ADAMTSL3: variants seen among roughly 807,000 people sequenced by gnomAD.
ADAMTSL3 encodes ADAMTS like 3, also known as ADAMTS-like protein 3.
A neutral mutation model predicts 201.7 loss-of-function variants in ADAMTSL3; 128 were observed. That is an observed-to-expected ratio of 0.63 (90% CI 0.55 to 0.73). The LOEUF (loss-of-function observed/expected upper bound fraction) is 0.73. Among genes scored for constraint, ADAMTSL3 ranks in the 30% least tolerant of loss-of-function variants. ADAMTSL3 has a pLI of 0.00. For synonymous variants in ADAMTSL3, 738 were observed against 748.4 expected, an observed-to-expected ratio of 0.99 and a Z score of 0.23; for missense variants, 1,990 against 2,119.6, an observed-to-expected ratio of 0.94 and a Z score of 1.20.
At chr15:83,748,086 G>C (rs1010144063) in intron 3 of ADAMTSL3, among the ~76,000 whole-genome samples, 5 of 152,084 alleles carry the variant, frequency 3.3e-5, no homozygotes, top group African/African-American at 1.2e-4. Flanking sequence ...CCATGTTTGA[G>C]AATACAAATC....
At chr15:83,942,480 G>T in intron 17 of ADAMTSL3, 116 bp from the exon 18 acceptor site, 1 of 869,392 alleles carries the variant, frequency 1.2e-6, no homozygotes, top group Non-Finnish European at 1.8e-6. Flanking sequence ...TGTAGAATCT[G>T]TATACAGGGT....
chr15:83,936,297 AGG>A (rs1196464425), intron 17 of ADAMTSL3, among the ~76,000 whole-genome samples: 2 of 150,582 alleles, frequency 1.3e-5, no homozygotes, highest in African/African-American at 5.0e-5. Context: ...TAAAATTCTA[AGG>A]GTAAACCTAA....
chr15:83,979,136 A>T (rs1000658576), intron 20 of ADAMTSL3, among the ~76,000 whole-genome samples: 1 of 152,228 alleles, frequency 6.6e-6, no homozygotes, highest in African/African-American at 2.4e-5. Context: ...ACGTTTCCCC[A>T]TGTGTGCTTC....
Position 83,823,943 on chromosome 15 carries a change from CTTCTTCTTCTTCTTCTTCTTCTTCTT to C in ADAMTSL3, c.600+3897_600+3922del, listed in dbSNP as rs1567169684. Among the ~76,000 whole-genome samples the C allele has an allele frequency of 7.1e-4, 74 of 104,498 alleles. 1 individual carries two copies. The highest frequency in any genetic ancestry group is 3.0e-3 in the East Asian group (12 of 3,944). The allele number at this position is 104,498 out of a possible 152,430, so 68.6% of individuals were successfully genotyped here. ...TCTTCTTCTTCTTCTTCTTCTTCTT[CTTCTTCTTCTTCTTCTTCTTCTTCTT>C]CTTCTCCTCCTCCTCCTCCTCCTTC... On this transcript the variant is annotated intron_variant, in intron 6 of 29. Transcript: ENST00000286744.
chr15:83,909,844 G>T (rs376177441), intron 15 of ADAMTSL3, among the ~76,000 whole-genome samples: 2 of 152,076 alleles, frequency 1.3e-5, no homozygotes, highest in African/African-American at 4.8e-5. Flanking sequence ...TTGAACTCCT[G>T]ACCTCAGGTT....
At chr15:83,968,713 T>G (rs982120336) in intron 19 of ADAMTSL3, among the ~76,000 whole-genome samples, 1 of 152,232 alleles carries the variant, frequency 6.6e-6, no homozygotes, top group East Asian at 1.9e-4. Context: ...TGCACACATA[T>G]GTTTATTGCA....
At chr15:83,655,661 G>A (rs1028647457) in intron 1 of ADAMTSL3, 68 bp from the exon 2 acceptor site, 28 of 1,174,720 alleles carry the variant, frequency 2.4e-5, no homozygotes, top group Non-Finnish European at 2.8e-5. Flanking sequence ...CTAATGGGTC[G>A]CTTAAGTCAC....
chr15:83,883,755 A>T (rs991663034), intron 9 of ADAMTSL3, among the ~76,000 whole-genome samples: 1 of 151,304 alleles, frequency 6.6e-6, no homozygotes, highest in African/African-American at 2.4e-5. Flanking sequence ...TTGGAGAGAT[A>T]GGATCTTGCT....
intron 7 of ADAMTSL3, among the ~76,000 whole-genome samples, chr15:83,848,412 A>C (rs184537844): frequency 6.6e-6 from 1 of 152,366 alleles, no homozygotes; most frequent in African/African-American, 2.4e-5. Context: ...TTTCCTGTAC[A>C]TCTTGCTACT....
chr15:83,780,452 G>A (rs1056204184), intron 4 of ADAMTSL3, among the ~76,000 whole-genome samples: 11 of 149,312 alleles, frequency 7.4e-5, no homozygotes, highest in African/African-American at 2.7e-4. Flanking sequence ...AGGTATTCAA[G>A]GAATATACAT....
At chr15:83,860,827 G>A (rs1040741097) in intron 8 of ADAMTSL3, among the ~76,000 whole-genome samples, 3 of 152,148 alleles carry the variant, frequency 2.0e-5, no homozygotes, top group African/African-American at 7.2e-5. Context: ...GTGCAGGACA[G>A]TAGGTGCAGC....
At position 83,894,412 on chromosome 15, in the gene ADAMTSL3, C is replaced by T. The variant is rs572111640; in HGVS notation, c.1467+1524C>T. Among the ~76,000 whole-genome samples, 6 of 152,236 alleles carry T rather than the reference C, an allele frequency of 3.9e-5. No homozygotes were observed. The South Asian group carries it at 1.2e-3, about 32-fold the overall frequency. On this transcript the variant is annotated intron_variant, in intron 13 of 29. Coordinates refer to ENST00000286744, the MANE Select transcript of ADAMTSL3 (RefSeq NM_207517.3). ...TTCCTATCACAAGTTTAAATAATTA[C>T]AAAGAATATCATTTCAACATGTTGT...
At chr15:83,866,350 G>A (rs1208721247) in intron 8 of ADAMTSL3, among the ~76,000 whole-genome samples, 1 of 152,166 alleles carries the variant, frequency 6.6e-6, no homozygotes, top group African/African-American at 2.4e-5. Flanking sequence ...CAAAGACTTG[G>A]AACCAACCCA....
intron 2 of ADAMTSL3, chr15:83,694,183 C>T (rs1242735569): frequency 2.6e-5 from 4 of 152,220 alleles, no homozygotes; most frequent in African/African-American, 9.7e-5. Flanking sequence ...CAGAAAACAC[C>T]TCCCTTCTGC....
At chr15:83,994,588 T>G (rs1416829081) in intron 23 of ADAMTSL3, among the ~76,000 whole-genome samples, 9 of 2,744 alleles carry the variant, frequency 3.3e-3, no homozygotes, top group Admixed American at 0.032. Flanking sequence ...GTTTTTTCGT[T>G]TTTTTTTTTT....
intron 4 of ADAMTSL3, among the ~76,000 whole-genome samples, chr15:83,781,781 T>G (rs1051607740): frequency 8.5e-5 from 13 of 152,102 alleles, no homozygotes; most frequent in Admixed American, 3.3e-4. Context: ...TGAACAGACA[T>G]TTTTCAAGAG....
intron 6 of ADAMTSL3, among the ~76,000 whole-genome samples, chr15:83,837,307 A>T (rs2141975454): frequency 6.6e-6 from 1 of 152,144 alleles, no homozygotes; most frequent in East Asian, 1.9e-4. Context: ...AGGGATATAG[A>T]TATTTAGAGA....
chr15:83,847,089 A>G (rs2064513794), intron 7 of ADAMTSL3, among the ~76,000 whole-genome samples: 1 of 152,228 alleles, frequency 6.6e-6, no homozygotes, highest in South Asian at 2.1e-4. Flanking sequence ...CTAAGGGCTG[A>G]AGATACTCAT....
At chr15:83,845,856 T>C (rs2141720100) in intron 7 of ADAMTSL3, among the ~76,000 whole-genome samples, 1 of 152,310 alleles carries the variant, frequency 6.6e-6, no homozygotes, top group Non-Finnish European at 1.5e-5. Context: ...TAACATGTTA[T>C]TGTCACAACC....
Sources: gnomAD v4.1 joint callset for allele counts (sites outside exome capture counted in the v4.1 genomes callset) on GRCh38, gnomAD v4.1.1 for gene constraint, MANE v1.5 for transcripts, NCBI Gene and HGNC (gene_info 2026-07-23, HGNC 2026-07-21) for gene names.